Variants in CREB3L1 observed in about 807,000 individuals in gnomAD.
The protein encoded by CREB3L1 is cyclic AMP-responsive element-binding protein 3-like protein 1.
Under a neutral mutation model 54.5 loss-of-function variants are expected in CREB3L1, and 33 were observed. The ratio of observed to expected loss-of-function variants is 0.61; its 90% CI spans 0.46 to 0.81. The LOEUF is 0.81. Among genes scored for constraint, CREB3L1 ranks in the 30% least tolerant of loss-of-function variants. The pLI is 0.00. For synonymous variants in CREB3L1, 284 were observed against 286.4 expected, an observed-to-expected ratio of 0.99 and a Z score of 0.08; for missense variants, 656 against 673.3, an observed-to-expected ratio of 0.97 and a Z score of 0.29.
At chr11:46,280,406 G>A (rs1938952488) in intron 1 of CREB3L1, among the ~76,000 whole-genome samples, 1 of 151,884 alleles carries the variant, frequency 6.6e-6, no homozygotes, top group Non-Finnish European at 1.5e-5. Context: ...TAGCCAGGAT[G>A]GTCTTGATCT....
At chr11:46,317,327 C>T in intron 9 of CREB3L1, 34 bp from the exon 10 acceptor site, 1 of 1,613,560 alleles carries the variant, frequency 6.2e-7, no homozygotes, top group Middle Eastern at 1.7e-4. Flanking sequence ...CCCTCCTTAC[C>T]CCAGATCTGA....
chr11:46,279,146 G>A (rs1263424720), intron 1 of CREB3L1, among the ~76,000 whole-genome samples: 1 of 152,070 alleles, frequency 6.6e-6, no homozygotes, highest in East Asian at 1.9e-4. Flanking sequence ...TGAACCACCA[G>A]TTGCGTGTGC....
At position 46,278,079 on chromosome 11, in the gene CREB3L1, C is replaced by A; in HGVS notation, c.-33C>A. On this transcript the variant is annotated 5_prime_UTR_variant, in exon 1 of 12. Coordinates refer to ENST00000621158, the MANE Select transcript of CREB3L1 (RefSeq NM_052854.4). This position sits in a 1 kb window ranked among gnomAD's most constrained non-coding sequence, Gnocchi z 4.2. ...CGCCGCCGCCCTGGAGTGAGGGAAG[C>A]CCAGTGGAAGGGGGTCCCGGGAGCC... 4 of 1,406,654 alleles carry A rather than the reference C, an allele frequency of 2.8e-6. No homozygotes were observed. Among genetic ancestry groups the A allele is most frequent in the Non-Finnish European group, 3.9e-6 (4 of 1,023,048 alleles). 87.1% of individuals were successfully genotyped at this position (1,406,654 alleles called of 1,614,324 possible).
At chr11:46,300,876 G>A (rs1169509512) in intron 2 of CREB3L1, among the ~76,000 whole-genome samples, 1 of 152,136 alleles carries the variant, frequency 6.6e-6, no homozygotes, top group East Asian at 1.9e-4. Context: ...GTGGTGGCGG[G>A]CGCCTGTAGT....
At chr11:46,309,682 A>G (rs1462165519) in intron 3 of CREB3L1, among the ~76,000 whole-genome samples, 1 of 152,202 alleles carries the variant, frequency 6.6e-6, no homozygotes, top group African/African-American at 2.4e-5. Flanking sequence ...GGCAACCCAC[A>G]TACCAAAGCC....
chr11:46,300,969 C>A (rs1288266804), intron 2 of CREB3L1, among the ~76,000 whole-genome samples: 5 of 138,352 alleles, frequency 3.6e-5, no homozygotes, highest in Non-Finnish European at 7.6e-5. Flanking sequence ...TGCGCCACTG[C>A]ACTCCAGCCT....
intron 5 of CREB3L1, among the ~76,000 whole-genome samples, chr11:46,311,425 C>T (rs1001142044): frequency 3.3e-5 from 5 of 152,170 alleles, no homozygotes; most frequent in African/African-American, 1.2e-4. Context: ...CATCTGCCTC[C>T]CAGGTTCAAG....
Position 46,320,783 on chromosome 11 carries a change from G to A in CREB3L1, c.*37G>A, listed in dbSNP as rs770195940. The A allele has an allele frequency of 7.5e-6, 12 of 1,603,996 alleles. No homozygotes were observed. The highest frequency in any genetic ancestry group is 1.0e-5 in the Non-Finnish European group (12 of 1,174,878). On this transcript the variant is annotated 3_prime_UTR_variant, in exon 12 of 12. Coordinates refer to ENST00000621158, the MANE Select transcript of CREB3L1 (RefSeq NM_052854.4). ...ACCCAGGACATAGGACGGACCCCTG[G>A]TACCCAGAAGAGGAGTTCTTGCTCA...
rs764612032 is a variant in CREB3L1 at position 46,312,322 on chromosome 11, C to T, written c.754-3C>T. 6.3e-7 allele frequency: 1 copy of T among 1,581,732 alleles called. No individual in the cohort carries two copies. Among genetic ancestry groups the T allele is most frequent in the South Asian group, 1.2e-5 (1 of 86,690 alleles). On this transcript the variant is annotated splice_polypyrimidine_tract_variant and splice_region_variant and intron_variant, in intron 5 of 11. Transcript: ENST00000621158. ...CCTAACTACCACATCATACTTCCTA[C>T]AGAAATTACAGGGGACATCAGGGCC...
chr11:46,280,685 C>A (rs528712987), intron 1 of CREB3L1, among the ~76,000 whole-genome samples: 3 of 152,294 alleles, frequency 2.0e-5, no homozygotes, highest in East Asian at 1.9e-4. Flanking sequence ...TGCTCAGCTA[C>A]GAGTTGCTGT....
chr11:46,292,612 G>A (rs1939146589), intron 1 of CREB3L1, among the ~76,000 whole-genome samples: 1 of 152,088 alleles, frequency 6.6e-6, no homozygotes, highest in Non-Finnish European at 1.5e-5. Flanking sequence ...AAATGACATA[G>A]GACTTCTAAG....
intron 1 of CREB3L1, among the ~76,000 whole-genome samples, chr11:46,280,749 G>T (rs1230211295): frequency 6.6e-6 from 1 of 152,108 alleles, no homozygotes; most frequent in Non-Finnish European, 1.5e-5. Context: ...CATATCCGAG[G>T]TTCTTTCCAG....
chr11:46,296,618 T>G (rs1217966870), intron 1 of CREB3L1, among the ~76,000 whole-genome samples: 1 of 151,398 alleles, frequency 6.6e-6, no homozygotes, highest in Non-Finnish European at 1.5e-5. Flanking sequence ...TCTAGGGGAG[T>G]CCCTGATGGC....
At chr11:46,310,872 C>A in intron 4 of CREB3L1, 160 bp from the exon 5 acceptor site, 1 of 1,097,752 alleles carries the variant, frequency 9.1e-7, no homozygotes, top group African/African-American at 1.6e-5. Context: ...TCTTTCTGAC[C>A]CTGCAGAGGG....
chr11:46,284,949 G>T (rs547923278), intron 1 of CREB3L1, among the ~76,000 whole-genome samples: 1 of 152,280 alleles, frequency 6.6e-6, no homozygotes, highest in African/African-American at 2.4e-5. Flanking sequence ...GGCAAAACCA[G>T]ATCCCCTGAA....
chr11:46,294,126 C>T (rs1233282635), intron 1 of CREB3L1, among the ~76,000 whole-genome samples: 1 of 152,166 alleles, frequency 6.6e-6, no homozygotes, highest in African/African-American at 2.4e-5. Context: ...AGCATGTGCA[C>T]ATGCATGCGT....
intron 1 of CREB3L1, 42 bp from the exon 2 acceptor site, chr11:46,299,893 C>A: frequency 1.3e-6 from 2 of 1,505,742 alleles, no homozygotes; most frequent in Non-Finnish European, 1.8e-6. Context: ...CCTTCCCAAG[C>A]AAAGCTGAAT....
intron 1 of CREB3L1, among the ~76,000 whole-genome samples, chr11:46,280,550 A>C (rs1052064405): frequency 2.0e-5 from 3 of 152,032 alleles, no homozygotes; most frequent in Admixed American, 6.6e-5. Context: ...GAATATTAGA[A>C]CTATAGCATT....
At chr11:46,311,335 G>A (rs1212038879) in intron 5 of CREB3L1, 146 bp downstream of exon 5, 2 of 1,150,460 alleles carry the variant, frequency 1.7e-6, no homozygotes, top group East Asian at 3.1e-5. Context: ...CTGGCAGATG[G>A]GAGTTCTAAT....
Sources: gnomAD v4.1 joint callset for allele counts (sites outside exome capture counted in the v4.1 genomes callset) on GRCh38, gnomAD v4.1.1 for gene constraint, Gnocchi (gnomAD v3.1) non-coding constraint, MANE v1.5 for transcripts, NCBI Gene and HGNC (gene_info 2026-07-23, HGNC 2026-07-21) for gene names.